Variants in TBCEL observed in about 807,000 individuals in gnomAD.
The protein encoded by TBCEL is tubulin folding cofactor E like.
Under a neutral mutation model 44.2 loss-of-function variants are expected in TBCEL, and 15 were observed. The observed-to-expected ratio is 0.34, with a 90% CI of 0.23 to 0.52. TBCEL has a LOEUF of 0.52. TBCEL is among the 20% of genes least tolerant of loss of function. The probability of loss-of-function intolerance (pLI) is 0.95; values close to 1 mark genes in which losing one functional copy is unlikely to be tolerated. For synonymous variants in TBCEL, 171 were observed against 185.4 expected (o/e 0.92, Z 0.63); for missense variants, 319 against 506.3 (o/e 0.63, Z 3.55).
chr11:121,024,942 G>A (rs903882576), intron 1 of TBCEL, among the ~76,000 whole-genome samples: 1 of 152,166 alleles, frequency 6.6e-6, no homozygotes, highest in Non-Finnish European at 1.5e-5. Flanking sequence ...CCTTGTCGTG[G>A]GATCTTGGGG....
In TBCEL at chr11:121,044,496, TCCTTTTC is replaced by T. The variant is rs1371991213; in HGVS notation, c.-17-1177_-17-1171del. Among the ~76,000 whole-genome samples the T allele has an allele frequency of 2.0e-5, 3 of 152,136 alleles. No individual in the cohort carries two copies. In the East Asian group the frequency reaches 5.8e-4, roughly 29 times the overall value. The stretch of plus-strand genomic sequence containing the variant: ...TACCATAATACATTTTGACTACAGT[TCCTTTTC>T]TTATGATATCCCTTCTTCTCTGAGT... On this transcript the variant is annotated intron_variant, in intron 2 of 8. Transcript: ENST00000683345.
intron 8 of TBCEL, among the ~76,000 whole-genome samples, chr11:121,081,944 C>A (rs1412596314): frequency 6.6e-6 from 1 of 152,078 alleles, no homozygotes; most frequent in Non-Finnish European, 1.5e-5. Flanking sequence ...CTATAAAAGT[C>A]TGCTGGCCTT....
At chr11:121,025,057 GAC>G (rs909507753) in intron 1 of TBCEL, among the ~76,000 whole-genome samples, 5 of 152,170 alleles carry the variant, frequency 3.3e-5, no homozygotes, top group Non-Finnish European at 5.9e-5. Flanking sequence ...CTTTTCTTGG[GAC>G]ACAGTGATTC....
At chr11:121,071,189 C>T (rs1945924160) in intron 8 of TBCEL, among the ~76,000 whole-genome samples, 1 of 152,150 alleles carries the variant, frequency 6.6e-6, no homozygotes, top group Non-Finnish European at 1.5e-5. Context: ...GTGTTCCCTT[C>T]ATTTTGTGTT....
In TBCEL at chr11:121,058,486, T is replaced by A. The variant is rs369724012; in HGVS notation, c.839+15T>A. 6 of 1,610,466 alleles carry A rather than the reference T, an allele frequency of 3.7e-6. No homozygotes were observed. The African/African-American group carries it at 8.0e-5, about 22-fold the overall frequency. On this transcript the variant is annotated intron_variant, in intron 7 of 8. Transcript: ENST00000683345. Reference sequence around the variant, plus strand: ...GTAATAGCCAGGTCTGTTGTCCTGATCGTTTTGCTTTATTTTTGTGAGGCC... The same window carrying A: ...GTAATAGCCAGGTCTGTTGTCCTGAACGTTTTGCTTTATTTTTGTGAGGCC...
rs1234657178 is a variant in TBCEL at position 121,035,439 on chromosome 11, G to T, written c.-125-1066G>T. ...ATTGCCATAGCACTAAATGTAGGAG[G>T]AGCTAGTGAAAAAAAAAACAAAAAC... On this transcript the variant is annotated intron_variant, in intron 1 of 8. Coordinates refer to ENST00000683345, the MANE Select transcript of TBCEL (RefSeq NM_001363644.2). The T allele has an allele frequency of 6.7e-5, 10 of 149,668 alleles. No individual in the cohort carries two copies. The East Asian group carries it at 1.9e-3, about 29-fold the overall frequency. 9.3% of individuals were successfully genotyped at this position (149,668 alleles called of 1,614,324 possible).
At chr11:121,026,510 G>A (rs905563844) in intron 1 of TBCEL, among the ~76,000 whole-genome samples, 2 of 152,094 alleles carry the variant, frequency 1.3e-5, no homozygotes, top group African/African-American at 2.4e-5. Flanking sequence ...GGATGAGTTC[G>A]TATTATTTGT....
In TBCEL at chr11:121,090,467, A is replaced by T. The variant is rs1946274047; in HGVS notation, c.*3371A>T. On this transcript the variant is annotated 3_prime_UTR_variant, in exon 9 of 9. Coordinates refer to ENST00000683345, the MANE Select transcript of TBCEL (RefSeq NM_001363644.2). ...GATTTTTCCCTTCATTTCATGTCAT[A>T]TTGAAAATGCAAACAAACTGCTCTC... 1 of 152,024 alleles carries T rather than the reference A, an allele frequency of 6.6e-6. No individual in the cohort carries two copies. Among genetic ancestry groups the T allele is most frequent in the African/African-American group, 2.4e-5 (1 of 41,398 alleles). The allele number at this position is 152,024 out of a possible 1,614,324, so 9.4% of individuals were successfully genotyped here.
chr11:121,079,136 A>C (rs1371555333), intron 8 of TBCEL, among the ~76,000 whole-genome samples: 2 of 152,212 alleles, frequency 1.3e-5, no homozygotes, highest in Non-Finnish European at 2.9e-5. Flanking sequence ...ACTTTGCTAT[A>C]TGTGTGAAAG....
intron 8 of TBCEL, among the ~76,000 whole-genome samples, chr11:121,076,684 C>A (rs1359698597): frequency 6.6e-6 from 1 of 151,938 alleles, no homozygotes; most frequent in Admixed American, 6.6e-5. Context: ...CTGACTTGGA[C>A]CTCCAATATA....
At chr11:121,062,198 A>G (rs2134967479) in intron 8 of TBCEL, among the ~76,000 whole-genome samples, 1 of 152,212 alleles carries the variant, frequency 6.6e-6, no homozygotes, top group African/African-American at 2.4e-5. Flanking sequence ...GAAGGTCATC[A>G]GGGCAGTGAC....
Position 121,087,304 on chromosome 11 carries a change from G to A in TBCEL, c.*208G>A, listed in dbSNP as rs1007788662. The A allele has an allele frequency of 4.0e-5, 22 of 553,964 alleles. No individual in the cohort carries two copies. The highest frequency in any genetic ancestry group is 3.0e-4 in the African/African-American group (16 of 52,976). 34.3% of individuals were successfully genotyped at this position (553,964 alleles called of 1,614,324 possible). A position where few individuals can be genotyped will look rare whatever the true frequency, so the allele number is the denominator to read the frequency against. The stretch of plus-strand genomic sequence containing the variant: ...CACAGATTGATTTGGCTCAGCCAGC[G>A]GAATTGGCCACATTTCCAGTGTATG... On this transcript the variant is annotated 3_prime_UTR_variant, in exon 9 of 9. Transcript: ENST00000683345.
Position 121,058,467 on chromosome 11 carries a change from G to A in TBCEL, c.835G>A (p.Ala279Thr). 6.2e-7 allele frequency: 1 copy of A among 1,611,292 alleles called. No individual in the cohort carries two copies. Among genetic ancestry groups the A allele is most frequent in the Non-Finnish European group, 8.5e-7 (1 of 1,177,970 alleles). Reference sequence around the variant, plus strand: ...CGAGGAGCGAAGGAAATTGGTAATAGCCAGGTCTGTTGTCCTGATCGTTTT... The same window carrying A: ...CGAGGAGCGAAGGAAATTGGTAATAACCAGGTCTGTTGTCCTGATCGTTTT... ...TTEERRKLVI[A>T]RLPSVSKLNG... The change falls in exon 7 of 9, where the codon GCC becomes ACC. Residue 279 changes from alanine (A) to threonine (T), a missense_variant. Physicochemically the swap from Ala to Thr is moderately conservative, Grantham distance 58. Coordinates refer to ENST00000683345, the MANE Select transcript of TBCEL (RefSeq NM_001363644.2).
At chr11:121,043,716 C>T (rs1047574621) in intron 2 of TBCEL, among the ~76,000 whole-genome samples, 2 of 152,136 alleles carry the variant, frequency 1.3e-5, no homozygotes, top group African/African-American at 4.8e-5. Flanking sequence ...AGCAAAACTT[C>T]TCAAAATATT....
intron 1 of TBCEL, among the ~76,000 whole-genome samples, chr11:121,027,350 A>G (rs1945064201): frequency 6.6e-6 from 1 of 152,186 alleles, no homozygotes; most frequent in Admixed American, 6.5e-5. Context: ...AATGGTAATA[A>G]CTGGACTGTT....
At chr11:121,053,232 C>T (rs568915547) in intron 4 of TBCEL, among the ~76,000 whole-genome samples, 2 of 152,022 alleles carry the variant, frequency 1.3e-5, no homozygotes, top group East Asian at 3.9e-4. Flanking sequence ...ACTGTCTTTT[C>T]TCCACTTATC....
intron 2 of TBCEL, among the ~76,000 whole-genome samples, chr11:121,042,109 G>A (rs1310445151): frequency 1.3e-5 from 2 of 152,024 alleles, no homozygotes; most frequent in Non-Finnish European, 2.9e-5. Flanking sequence ...AATTGTGTAA[G>A]TTTGAGTTTA....
rs188151512 is a variant in TBCEL at position 121,051,518 on chromosome 11, C to T, written c.274-2033C>T. ...TCTTCTGTATGAAAGTTCTTCGTAT[C>T]GGTATTCAATCATAGAATGCAGTAC... On this transcript the variant is annotated intron_variant, in intron 4 of 8. Transcript: ENST00000683345. Among the ~76,000 whole-genome samples, 708 of 151,744 alleles carry T rather than the reference C, an allele frequency of 4.7e-3. 5 individuals carry two copies. Among genetic ancestry groups the T allele is most frequent in the Middle Eastern group, 0.017 (5 of 294 alleles).
At chr11:121,070,831 A>AT (rs139099903) in intron 8 of TBCEL, among the ~76,000 whole-genome samples, 31,567 of 149,188 alleles carry the variant, frequency 0.21, 3,380 homozygotes, top group East Asian at 0.32. Context: ...ACCTTAAAGT[A>AT]TTTAAAAAAA....
Sources: allele counts gnomAD v4.1 joint callset (sites outside exome capture counted in the v4.1 genomes callset), GRCh38; gene constraint gnomAD v4.1.1; transcripts MANE v1.5; gene names NCBI Gene and HGNC (gene_info 2026-07-23, HGNC 2026-07-21).